Variants in EXOC4 observed in about 807,000 individuals in gnomAD.
EXOC4 encodes exocyst complex component 4, also known as SEC8-like 1.
EXOC4 carries 71 observed loss-of-function variants against 107.2 expected under a neutral mutation model. The observed-to-expected ratio is 0.66, with a 90% CI of 0.55 to 0.81. EXOC4 has a LOEUF of 0.81. Among genes scored for constraint, EXOC4 ranks in the 30% least tolerant of loss-of-function variants. EXOC4 has a pLI of 0.00. For missense variants in EXOC4, 1,108 were observed against 1,189.6 expected, an observed-to-expected ratio of 0.93 and a Z score of 1.01; for synonymous variants, 456 against 441.2, an observed-to-expected ratio of 1.03 and a Z score of -0.42.
chr7:133,930,226 C>A (rs1011437731), intron 13 of EXOC4, among the ~76,000 whole-genome samples: 3 of 152,140 alleles, frequency 2.0e-5, no homozygotes, highest in Admixed American at 1.3e-4. Flanking sequence ...GCATGTTATA[C>A]AGTGACTCCT....
chr7:133,542,682 A>C lies in EXOC4; in HGVS notation c.1417+62544A>C, dbSNP rs192621332. ...CAGAGAAAAAGCAGCTTCTGAGGCC[A>C]CTTCTGAACCCTTCATTTTGGGGGT... is the stretch of plus-strand genomic sequence containing the variant. On this transcript the variant is annotated intron_variant, in intron 9 of 17. Coordinates refer to ENST00000253861, the MANE Select transcript of EXOC4 (RefSeq NM_021807.4). Among the ~76,000 whole-genome samples the C allele has an allele frequency of 1.3e-4, 20 of 152,186 alleles. No homozygotes were observed. In the East Asian group the frequency reaches 3.9e-3, roughly 29 times the overall value.
chr7:134,019,211 T>C (rs1166554807), intron 17 of EXOC4, among the ~76,000 whole-genome samples: 1 of 152,190 alleles, frequency 6.6e-6, no homozygotes, highest in African/African-American at 2.4e-5. Context: ...ATTACAGGCA[T>C]GAGGCACAGC....
chr7:133,490,346 A>T (rs935449306), intron 9 of EXOC4, among the ~76,000 whole-genome samples: 2 of 152,204 alleles, frequency 1.3e-5, no homozygotes, highest in Non-Finnish European at 2.9e-5. Flanking sequence ...TGTGATACAC[A>T]CTATCACGGA....
At chr7:134,073,230 A>AAAAAAAAC in the EXOC4 span, among the ~76,000 whole-genome samples, 94 of 18,410 alleles carry the variant, frequency 5.1e-3, 1 homozygote, top group South Asian at 0.019. Context: ...AAAAAAAAAA[A>AAAAAAAAC]AACAACAAAG....
At chr7:133,591,020 C>A (rs1333284844) in intron 9 of EXOC4, among the ~76,000 whole-genome samples, 1 of 152,212 alleles carries the variant, frequency 6.6e-6, no homozygotes, top group Non-Finnish European at 1.5e-5. Context: ...CTTGCCCCAG[C>A]CCCTGCACCT....
At chr7:133,850,180 G>T (rs965352592) in intron 11 of EXOC4, among the ~76,000 whole-genome samples, 24 of 152,166 alleles carry the variant, frequency 1.6e-4, no homozygotes, top group Admixed American at 2.6e-4. Flanking sequence ...TTTTCTCTGG[G>T]TACTGTATCT....
chr7:133,881,716 G>C (rs1311881552), intron 11 of EXOC4, among the ~76,000 whole-genome samples: 1 of 152,140 alleles, frequency 6.6e-6, no homozygotes, highest in Non-Finnish European at 1.5e-5. Flanking sequence ...AATTAGCTGA[G>C]TTCCCTGCTG....
chr7:133,740,425 GGCAGAATT>G (rs1795540296), intron 10 of EXOC4, among the ~76,000 whole-genome samples: 1 of 152,096 alleles, frequency 6.6e-6, no homozygotes, highest in Non-Finnish European at 1.5e-5. Flanking sequence ...CTGCTGGGAT[GGCAGAATT>G]GCTTCATAAA....
intron 11 of EXOC4, among the ~76,000 whole-genome samples, chr7:133,840,642 C>G (rs981466419): frequency 2.6e-5 from 4 of 152,010 alleles, no homozygotes; most frequent in African/African-American, 9.7e-5. Flanking sequence ...TCCACCACAC[C>G]TGGCTATTTT....
At chr7:133,782,626 G>C (rs1038139240) in intron 10 of EXOC4, among the ~76,000 whole-genome samples, 29 of 152,174 alleles carry the variant, frequency 1.9e-4, no homozygotes, top group African/African-American at 6.0e-4. Context: ...CATAGTAGGA[G>C]TGGAGCCTGG....
chr7:133,787,764 A>C (rs1169593370), intron 10 of EXOC4, among the ~76,000 whole-genome samples: 2 of 150,916 alleles, frequency 1.3e-5, no homozygotes, highest in East Asian at 4.0e-4. Context: ...CCATCCTCAT[A>C]ATCTTATATA....
At chr7:133,475,898 T>C (rs865882882) in intron 8 of EXOC4, among the ~76,000 whole-genome samples, 10 of 152,146 alleles carry the variant, frequency 6.6e-5, no homozygotes, top group Middle Eastern at 3.2e-3. Flanking sequence ...GTTACTTGTT[T>C]AATAAAAGAA....
At chr7:134,096,494 C>T in the EXOC4 span, among the ~76,000 whole-genome samples, 6 of 152,204 alleles carry the variant, frequency 3.9e-5, no homozygotes, top group Admixed American at 3.9e-4. Flanking sequence ...AGTATTGACT[C>T]ATATGATCAC....
At chr7:133,977,633 C>A (rs768413753) in intron 14 of EXOC4, among the ~76,000 whole-genome samples, 1 of 151,962 alleles carries the variant, frequency 6.6e-6, no homozygotes, top group Non-Finnish European at 1.5e-5. Flanking sequence ...TAGTGGTTTG[C>A]GAGCAGCTGG....
At chr7:133,985,166 T>C (rs960396222) in intron 14 of EXOC4, among the ~76,000 whole-genome samples, 5 of 152,300 alleles carry the variant, frequency 3.3e-5, no homozygotes, top group Non-Finnish European at 7.4e-5. Context: ...TAAAAAGTTA[T>C]ATTGTCCATA....
At chr7:133,904,803 G>A (rs1487933712) in intron 12 of EXOC4, among the ~76,000 whole-genome samples, 1 of 152,204 alleles carries the variant, frequency 6.6e-6, no homozygotes, top group African/African-American at 2.4e-5. Context: ...TGGTTAATCA[G>A]CGTATTCAGG....
chr7:133,966,268 G>T (rs1205958037), intron 14 of EXOC4, among the ~76,000 whole-genome samples: 1 of 152,194 alleles, frequency 6.6e-6, no homozygotes, highest in Non-Finnish European at 1.5e-5. Context: ...CATGTCATCT[G>T]CAGACAGAGA....
intron 15 of EXOC4, among the ~76,000 whole-genome samples, chr7:134,002,594 A>G (rs1032884998): frequency 6.6e-6 from 1 of 152,204 alleles, no homozygotes; most frequent in Admixed American, 6.5e-5. Flanking sequence ...TCCAGAATAT[A>G]TAATGAACTC....
In EXOC4 at chr7:133,711,008, T is replaced by A. The variant is rs142951286; in HGVS notation, c.1514+80867T>A. 4.6e-4 allele frequency among the ~76,000 whole-genome samples: 69 copies of A among 151,512 alleles called. No homozygotes were observed. In the East Asian group the frequency reaches 0.012, roughly 26 times the overall value. On this transcript the variant is annotated intron_variant, in intron 10 of 17. Coordinates refer to ENST00000253861, the MANE Select transcript of EXOC4 (RefSeq NM_021807.4). ...TATTGGTAAAGTAGAGTTCAAGGGGTGAGAGATGTGATACACCACACCGTC... is the reference window on the plus strand; with the variant it reads ...TATTGGTAAAGTAGAGTTCAAGGGGAGAGAGATGTGATACACCACACCGTC...
Sources: allele counts gnomAD v4.1 joint callset (sites outside exome capture counted in the v4.1 genomes callset), GRCh38; gene constraint gnomAD v4.1.1; transcripts MANE v1.5; gene names NCBI Gene and HGNC (gene_info 2026-07-23, HGNC 2026-07-21).